Variants in ARAP1 observed in about 807,000 individuals in gnomAD.
ARAP1 encodes the protein arf-GAP with Rho-GAP domain, ANK repeat and PH domain-containing protein 1.
ARAP1 carries 76 observed loss-of-function variants against 172.2 expected under a neutral mutation model. That is an observed-to-expected ratio of 0.44 (90% CI 0.37 to 0.53). The LOEUF (loss-of-function observed/expected upper bound fraction) is 0.53. Ranked by LOEUF, ARAP1 falls within the 20% of genes least tolerant of loss-of-function variation. The probability of loss-of-function intolerance (pLI) is 0.00; values close to 1 mark genes in which losing one functional copy is unlikely to be tolerated. For synonymous variants in ARAP1, 804 were observed against 803.3 expected, an observed-to-expected ratio of 1.00 and a Z score of -0.01; for missense variants, 1,686 against 1,977.5, an observed-to-expected ratio of 0.85 and a Z score of 2.80.
chr11:72,726,989 A>AGGTG lies in ARAP1; in HGVS notation c.139_140insCACC (p.Met47ThrfsTer64). The AGGTG allele has an allele frequency of 6.2e-7, 1 of 1,605,622 alleles. No individual in the cohort carries two copies. The highest frequency in any genetic ancestry group is 8.5e-7 in the Non-Finnish European group (1 of 1,176,388). ...ACCAGGGAGTAGCATGCCCATGTCC[A>AGGTG]TCAGGCGGGTGTCGCTGAGGCCTTG... On this transcript the variant is annotated frameshift_variant, in exon 3 of 35. Transcript: ENST00000393609. LOFTEE classifies it high-confidence loss of function. This position sits in a 1 kb window ranked among gnomAD's most constrained non-coding sequence, Gnocchi z 6.5.
rs148076434 is a variant in ARAP1, at chr11:72,746,763, C to T, written c.-128+5565G>A. Reference sequence around the variant, plus strand: ...GGTAAGCCTGGGGGATCCCCAGAGTCGCTCCTTACTGCCCCTCCCTGAAGC... The same window carrying T: ...GGTAAGCCTGGGGGATCCCCAGAGTTGCTCCTTACTGCCCCTCCCTGAAGC... On this transcript the variant is annotated intron_variant, in intron 1 of 34. Coordinates refer to ENST00000393609, the MANE Select transcript of ARAP1 (RefSeq NM_001040118.3). Among the ~76,000 whole-genome samples, 211 of 151,302 alleles carry T rather than the reference C, an allele frequency of 1.4e-3. 1 individual carries two copies. In the Middle Eastern group the frequency reaches 0.024, roughly 17 times the overall value.
At chr11:72,685,921 G>C (rs1167512708) in intron 34 of ARAP1, 121 bp downstream of exon 34, 2 of 1,560,668 alleles carry the variant, frequency 1.3e-6, no homozygotes, top group African/African-American at 2.7e-5. Flanking sequence ...ACCAAGGCTG[G>C]AGGGAGGGGG....
In ARAP1 at chr11:72,710,056, G is replaced by A; in HGVS notation, c.1417-80C>T. The stretch of plus-strand genomic sequence containing the variant: ...CTTGGGACAGGGAGAGGAAGGGAAG[G>A]TGGTGCAACTCAGGGACTGGGGGGG... On this transcript the variant is annotated intron_variant, in intron 10 of 34. Coordinates refer to ENST00000393609, the MANE Select transcript of ARAP1 (RefSeq NM_001040118.3). This position sits in a 1 kb window ranked among gnomAD's most constrained non-coding sequence, Gnocchi z 4.3. 7.6e-7 allele frequency: 1 copy of A among 1,308,392 alleles called. No homozygotes were observed. The highest frequency in any genetic ancestry group is 1.1e-6 in the Non-Finnish European group (1 of 905,128). The allele number at this position is 1,308,392 out of a possible 1,614,324, so 81.0% of individuals were successfully genotyped here. A position where few individuals can be genotyped will look rare whatever the true frequency, so the allele number is the denominator to read the frequency against.
intron 3 of ARAP1, chr11:72,722,396 C>T (rs1857555771): frequency 7.2e-6 from 7 of 978,030 alleles, no homozygotes; most frequent in Non-Finnish European, 8.5e-6. Context: ...TCCTCCCCGC[C>T]CCCAGGCTGC....
chr11:72,687,417 C>T, intron 33 of ARAP1, 22 bp downstream of exon 33: 1 of 1,614,194 alleles, frequency 6.2e-7, no homozygotes, highest in Non-Finnish European at 8.5e-7. Flanking sequence ...CCACCCCACA[C>T]CCCACACTCT....
intron 11 of ARAP1, among the ~76,000 whole-genome samples, chr11:72,707,633 C>A (rs937771786): frequency 2.0e-5 from 3 of 152,128 alleles, no homozygotes; most frequent in African/African-American, 4.8e-5. Context: ...GAAAATGATG[C>A]CTGAGCTAAG....
At chr11:72,720,765 A>G (rs1440084491) in intron 3 of ARAP1, among the ~76,000 whole-genome samples, 1 of 152,048 alleles carries the variant, frequency 6.6e-6, no homozygotes, top group Admixed American at 6.5e-5. Context: ...GCTTTTTTTC[A>G]TATAATGACC....
chr11:72,737,343 T>C (rs1858061985), intron 1 of ARAP1, among the ~76,000 whole-genome samples: 1 of 152,146 alleles, frequency 6.6e-6, no homozygotes, highest in Admixed American at 6.5e-5. Context: ...CTTGAGTACT[T>C]CTTGCTGGAA....
intron 1 of ARAP1, among the ~76,000 whole-genome samples, chr11:72,748,250 A>G (rs986189821): frequency 6.6e-6 from 1 of 152,208 alleles, no homozygotes; most frequent in Admixed American, 6.5e-5. Context: ...GACTGGGCCC[A>G]GTGGCTCACA....
At position 72,726,673 on chromosome 11, in the gene ARAP1, C is replaced by T; in HGVS notation, c.456G>A (p.Glu152=). The change falls in exon 3 of 35, where the codon GAG becomes GAA. Residue 152 remains glutamate (E), a synonymous_variant. Coordinates refer to ENST00000393609, the MANE Select transcript of ARAP1 (RefSeq NM_001040118.3). This position sits in a 1 kb window ranked among gnomAD's most constrained non-coding sequence, Gnocchi z 6.5. ...GGGGCGGCACGGGTGGAACGCTCAG[C>T]TCTGCCAAATGCCGCTTAGCAGGCA... ...PPLPAKRHLA[E]LSVPPVPPRT... is the part of the protein sequence containing the mutation. The T allele has an allele frequency of 1.3e-6, 2 of 1,546,546 alleles. No individual in the cohort carries two copies. The highest frequency in any genetic ancestry group is 1.7e-6 in the Non-Finnish European group (2 of 1,144,638).
intron 31 of ARAP1, among the ~76,000 whole-genome samples, chr11:72,688,205 G>A (rs753341906): frequency 2.6e-5 from 4 of 151,950 alleles, no homozygotes; most frequent in African/African-American, 7.3e-5. Flanking sequence ...GGCTGGTTTC[G>A]AACTCCTGGG....
rs1856571594 is a variant in ARAP1, at chr11:72,703,095, G to A, written c.1993-16C>T. ...CACACAGGGCCTAGGAAGAGGCAGG[G>A]GAGGGTCAGCCCAAGAAGGAGTAGG... is the stretch of plus-strand genomic sequence containing the variant. On this transcript the variant is annotated splice_polypyrimidine_tract_variant and intron_variant, in intron 14 of 34. Transcript: ENST00000393609. The A allele has an allele frequency of 2.6e-6, 4 of 1,538,298 alleles. No homozygotes were observed. Among genetic ancestry groups the A allele is most frequent in the Non-Finnish European group, 3.5e-6 (4 of 1,145,466 alleles).
At chr11:72,746,167 G>A (rs960571920) in intron 1 of ARAP1, among the ~76,000 whole-genome samples, 9 of 147,876 alleles carry the variant, frequency 6.1e-5, no homozygotes, top group Non-Finnish European at 9.0e-5. Flanking sequence ...CCCCAACCCC[G>A]CCCTAGTGTC....
intron 2 of ARAP1, among the ~76,000 whole-genome samples, chr11:72,728,352 G>A (rs905427053): frequency 9.9e-5 from 15 of 152,150 alleles, no homozygotes; most frequent in Non-Finnish European, 1.6e-4. Flanking sequence ...AGGCCGAGGC[G>A]GGTGGATTGC....
At position 72,686,179 on chromosome 11, in the gene ARAP1, C is replaced by A. The variant is rs1855675750; in HGVS notation, c.4198G>T (p.Val1400Leu). Residue 1400 changes from valine (V) to leucine (L), a missense_variant, in exon 34 of 35, where the codon GTG (valine) becomes TTG (leucine). Physicochemically the swap from Val to Leu is conservative, Grantham distance 32 (BLOSUM62 1). Coordinates refer to ENST00000393609, the MANE Select transcript of ARAP1 (RefSeq NM_001040118.3). ...TFLFVQHDGL[V>L]WPSEPSRVSR... ...ACGCGTGAGGGCTCTGAGGGCCACA[C>A]CAGGCCGTCATGCTGGGGAGCAGAG... The A allele has an allele frequency of 2.5e-6, 4 of 1,612,468 alleles. No homozygotes were observed. The highest frequency in any genetic ancestry group is 2.5e-6 in the Non-Finnish European group (3 of 1,178,988).
chr11:72,718,275 A>G (rs1175703117), intron 3 of ARAP1, among the ~76,000 whole-genome samples: 1 of 151,952 alleles, frequency 6.6e-6, no homozygotes, highest in Non-Finnish European at 1.5e-5. Context: ...GTGACCCCCT[A>G]CCGAGAACAG....
intron 1 of ARAP1, among the ~76,000 whole-genome samples, chr11:72,744,389 C>A (rs1858291865): frequency 6.6e-6 from 1 of 152,148 alleles, no homozygotes; most frequent in African/African-American, 2.4e-5. Flanking sequence ...CAGCCTCCAG[C>A]CTCCCAATAC....
chr11:72,699,108 C>T lies in ARAP1; in HGVS notation c.2439-1G>A. ...GTACACCTCAAAGGTGTGCTCAAAG[C>T]TGCAAATACACAGGCCAGGACTCAG... is the stretch of plus-strand genomic sequence containing the variant. On this transcript the variant is annotated splice_acceptor_variant, in intron 17 of 34. Coordinates refer to ENST00000393609, the MANE Select transcript of ARAP1 (RefSeq NM_001040118.3). LOFTEE classifies it high-confidence loss of function. This position sits in a 1 kb window ranked among gnomAD's most constrained non-coding sequence, Gnocchi z 4.2. 1 of 1,614,106 alleles carries T rather than the reference C, an allele frequency of 6.2e-7. No individual in the cohort carries two copies.
At chr11:72,697,573 G>A in intron 20 of ARAP1, 25 bp downstream of exon 20, 1 of 1,613,942 alleles carries the variant, frequency 6.2e-7, no homozygotes, top group Non-Finnish European at 8.5e-7. Context: ...CCTTCTCAGA[G>A]CCCCTCAGGG....
Sources: gnomAD v4.1 joint callset for allele counts (sites outside exome capture counted in the v4.1 genomes callset) on GRCh38, gnomAD v4.1.1 for gene constraint, Gnocchi (gnomAD v3.1) non-coding constraint, MANE v1.5 for transcripts, NCBI Gene and HGNC (gene_info 2026-07-23, HGNC 2026-07-21) for gene names.